Variants in USP25 observed in about 807,000 individuals in gnomAD.
USP25 encodes ubiquitin carboxyl-terminal hydrolase 25.
Under a neutral mutation model 158.5 loss-of-function variants are expected in USP25, and 85 were observed. The ratio of observed to expected loss-of-function variants is 0.54; its 90% confidence interval spans 0.45 to 0.64. USP25 has a LOEUF of 0.64. USP25 is among the 30% of genes least tolerant of loss of function. USP25 has a pLI of 0.00. For synonymous variants in USP25, 464 were observed against 460.4 expected, an observed-to-expected ratio of 1.01 and a Z score of -0.10; for missense variants, 1,242 against 1,327.3, an observed-to-expected ratio of 0.94 and a Z score of 1.00.
chr21:15,858,701 A>T (rs944835804), intron 20 of USP25, among the ~76,000 whole-genome samples: 4 of 152,020 alleles, frequency 2.6e-5, no homozygotes, highest in African/African-American at 7.2e-5. Flanking sequence ...ATATTGAAAT[A>T]ATGGTAGTAG....
At chr21:15,837,855 G>C (rs577477265) in intron 17 of USP25, among the ~76,000 whole-genome samples, 64 of 152,192 alleles carry the variant, frequency 4.2e-4, no homozygotes, top group Non-Finnish European at 7.2e-4. Context: ...AGGAGAGTAC[G>C]GTTGGATCCT....
At chr21:15,839,035 C>A (rs1398458608) in intron 17 of USP25, among the ~76,000 whole-genome samples, 1 of 152,070 alleles carries the variant, frequency 6.6e-6, no homozygotes, top group Non-Finnish European at 1.5e-5. Context: ...ATTTGAAAAT[C>A]CTAGAGAAAT....
intron 22 of USP25, among the ~76,000 whole-genome samples, chr21:15,868,948 GA>G (rs2039769777): frequency 1.3e-5 from 2 of 152,222 alleles, no homozygotes; most frequent in South Asian, 4.1e-4. Flanking sequence ...ATTATGTCTT[GA>G]AAATTAAAAT....
chr21:15,765,922 G>A (rs2034013835), intron 2 of USP25, 75 bp from the exon 3 acceptor site: 1 of 1,465,554 alleles, frequency 6.8e-7, no homozygotes, highest in Non-Finnish European at 9.2e-7. Context: ...GAGAGTTATG[G>A]AGAATATTGT....
chr21:15,732,729 T>C (rs2031052210), intron 1 of USP25, among the ~76,000 whole-genome samples: 1 of 152,220 alleles, frequency 6.6e-6, no homozygotes, highest in Admixed American at 6.5e-5. Context: ...AAAACTTTTA[T>C]TTTGCAGATG....
intron 1 of USP25, among the ~76,000 whole-genome samples, chr21:15,755,868 G>A (rs968927826): frequency 9.2e-5 from 14 of 152,170 alleles, no homozygotes; most frequent in African/African-American, 3.4e-4. Flanking sequence ...CATAAAGGGA[G>A]AAGTGGAGGA....
chr21:15,768,621 G>T (rs958770500), intron 3 of USP25, among the ~76,000 whole-genome samples: 2 of 151,990 alleles, frequency 1.3e-5, no homozygotes, highest in African/African-American at 4.8e-5. Context: ...TCAAATGCAG[G>T]CCTCTATTTA....
intron 3 of USP25, among the ~76,000 whole-genome samples, chr21:15,770,783 A>C (rs2034306142): frequency 1.3e-5 from 2 of 152,206 alleles, no homozygotes; most frequent in Admixed American, 6.5e-5. Flanking sequence ...ATTATCACAG[A>C]AAGTTCTAAT....
At chr21:15,752,839 T>C (rs1028040176) in intron 1 of USP25, among the ~76,000 whole-genome samples, 1 of 152,206 alleles carries the variant, frequency 6.6e-6, no homozygotes, top group African/African-American at 2.4e-5. Flanking sequence ...TATGAGTAAT[T>C]TATTTTAATG....
chr21:15,814,360 G>A (rs942256093), intron 9 of USP25, among the ~76,000 whole-genome samples: 3 of 151,854 alleles, frequency 2.0e-5, no homozygotes, highest in Non-Finnish European at 2.9e-5. Context: ...CGGTAGAGTA[G>A]GACGTTGGTG....
intron 20 of USP25, among the ~76,000 whole-genome samples, chr21:15,855,750 G>A (rs2039104187): frequency 6.6e-6 from 1 of 152,136 alleles, no homozygotes; most frequent in Non-Finnish European, 1.5e-5. Flanking sequence ...TTACCCATGT[G>A]ACCACCAACT....
At chr21:15,859,198 TG>T (rs1443806942) in intron 20 of USP25, among the ~76,000 whole-genome samples, 4 of 147,278 alleles carry the variant, frequency 2.7e-5, no homozygotes, top group Non-Finnish European at 3.0e-5. Flanking sequence ...TTTTGTTTTG[TG>T]TTTTTTTTTT....
chr21:15,730,288 C>A lies in USP25; in HGVS notation c.-106C>A. The A allele has an allele frequency of 1.0e-6, 1 of 988,040 alleles. No homozygotes were observed. Among genetic ancestry groups the A allele is most frequent in the Non-Finnish European group, 1.2e-6 (1 of 829,822 alleles). 61.2% of individuals were successfully genotyped at this position (988,040 alleles called of 1,614,324 possible). On this transcript the variant is annotated 5_prime_UTR_variant, in exon 1 of 26. Coordinates refer to ENST00000400183, the MANE Select transcript of USP25 (RefSeq NM_001283041.3). ...TGGCGGGGGCGCTGTCCTCCCAGGC[C>A]GTCCGCGCCGCTCCCTGGAGCTCGG...
intron 1 of USP25, among the ~76,000 whole-genome samples, chr21:15,731,554 G>A (rs1183951251): frequency 6.6e-6 from 1 of 152,178 alleles, no homozygotes; most frequent in Non-Finnish European, 1.5e-5. Context: ...TTTGCTTTGA[G>A]ATTATTTTTA....
In USP25 at chr21:15,831,465, C is replaced by T. The variant is rs1313293203; in HGVS notation, c.1829C>T (p.Ala610Val). ...CAAGCTAATGCTGGGCACTACTGGG[C>T]ATATATTTTTGATCATCGTGAAAGC... ...EGQANAGHYW[A>V]YIFDHRESRW... is the part of the protein sequence containing the mutation. Residue 610 changes from alanine (A) to valine (V), a missense_variant, in exon 16 of 26, where the codon GCA becomes GTA. This residue lies in a region of USP25 where 7 missense variants were observed against 20.6 expected (regional missense o/e 0.34). Coordinates refer to ENST00000400183, the MANE Select transcript of USP25 (RefSeq NM_001283041.3). The T allele has an allele frequency of 6.2e-7, 1 of 1,613,960 alleles. No individual in the cohort carries two copies. The highest frequency in any genetic ancestry group is 1.7e-5 in the Admixed American group (1 of 60,012).
At chr21:15,786,870 T>C (rs2123574133) in intron 4 of USP25, among the ~76,000 whole-genome samples, 1 of 152,150 alleles carries the variant, frequency 6.6e-6, no homozygotes. Flanking sequence ...TAGAAAGCCC[T>C]AAAGAGTTCA....
At chr21:15,756,281 T>A (rs1001631063) in intron 1 of USP25, among the ~76,000 whole-genome samples, 1 of 152,116 alleles carries the variant, frequency 6.6e-6, no homozygotes, top group Admixed American at 6.5e-5. Context: ...AGAAAACCTC[T>A]CCCTGTGCTT....
chr21:15,855,107 T>A (rs1166937105), intron 20 of USP25, among the ~76,000 whole-genome samples: 1 of 152,138 alleles, frequency 6.6e-6, no homozygotes, highest in Non-Finnish European at 1.5e-5. Flanking sequence ...ATATTATAAT[T>A]ACAATTATGG....
At chr21:15,819,522 A>T (rs933730965) in intron 10 of USP25, among the ~76,000 whole-genome samples, 3 of 152,150 alleles carry the variant, frequency 2.0e-5, no homozygotes, top group Non-Finnish European at 4.4e-5. Flanking sequence ...AATTGCTGAT[A>T]GTTGTCTAGC....
Sources: allele counts gnomAD v4.1 joint callset (sites outside exome capture counted in the v4.1 genomes callset), GRCh38; gene constraint gnomAD v4.1.1; regional missense constraint gnomAD v4.1.1; transcripts MANE v1.5; gene names NCBI Gene and HGNC (gene_info 2026-07-23, HGNC 2026-07-21).